The following GABRG3 variants were observed in gnomAD, a reference collection of about 807,000 sequenced individuals.
GABRG3 encodes the protein gamma-aminobutyric acid type A receptor subunit gamma3.
GABRG3 carries 25 observed loss-of-function variants against 48.8 expected under a neutral mutation model. The ratio of observed to expected loss-of-function variants is 0.51; its 90% confidence interval spans 0.37 to 0.72. The LOEUF is 0.72. GABRG3 is among the 30% of genes least tolerant of loss of function. The pLI, the probability that GABRG3 is intolerant of heterozygous loss-of-function variation, is 0.00. For missense variants in GABRG3, 394 were observed against 577.9 expected (o/e 0.68, Z 3.26); for synonymous variants, 227 against 217.6 (o/e 1.04, Z -0.38).
chr15:27,527,907 A>T, intron 8 of GABRG3, 26 bp from the exon 9 acceptor site: 1 of 1,515,684 alleles, frequency 6.6e-7, no homozygotes, highest in Non-Finnish European at 9.0e-7. Context: ...ACAGTTTCCT[A>T]GTTATTTTTT....
chr15:27,142,443 C>T (rs1480892827), intron 3 of GABRG3, among the ~76,000 whole-genome samples: 1 of 152,114 alleles, frequency 6.6e-6, no homozygotes, highest in Non-Finnish European at 1.5e-5. Flanking sequence ...AAGTGGAAAC[C>T]CCTGATCAAA....
intron 3 of GABRG3, among the ~76,000 whole-genome samples, chr15:27,094,589 A>C (rs1220096421): frequency 6.6e-6 from 1 of 152,174 alleles, no homozygotes; most frequent in Non-Finnish European, 1.5e-5. Flanking sequence ...AATAGAGGGA[A>C]GCAGTTCTGC....
At chr15:27,032,088 T>G (rs4468579) in intron 3 of GABRG3, among the ~76,000 whole-genome samples, 24,122 of 152,150 alleles carry the variant, frequency 0.16, 2,323 homozygotes, top group East Asian at 0.36. Flanking sequence ...GCTTGTGCTG[T>G]TTTTTATTTC....
rs140349736 is a variant in GABRG3 at position 27,179,508 on chromosome 15, C to T, written c.271-147301C>T. Among the ~76,000 whole-genome samples, 573 of 152,266 alleles carry T rather than the reference C, an allele frequency of 3.8e-3. 5 individuals carry two copies. The highest frequency in any genetic ancestry group is 0.031 in the Middle Eastern group (9 of 294). On this transcript the variant is annotated intron_variant, in intron 3 of 9. Coordinates refer to ENST00000615808, the MANE Select transcript of GABRG3 (RefSeq NM_033223.5). The surrounding 1 kb of genome is among the most constrained non-coding windows in gnomAD (Gnocchi z 4.0). ...CGCTGGCTTTATGCTTGGTCTGGCTCTGAGAAATTTATCATTTTCCCCATT... is the reference window on the plus strand; with the variant it reads ...CGCTGGCTTTATGCTTGGTCTGGCTTTGAGAAATTTATCATTTTCCCCATT...
At chr15:27,345,150 G>T (rs1458170983) in intron 5 of GABRG3, among the ~76,000 whole-genome samples, 1 of 152,070 alleles carries the variant, frequency 6.6e-6, no homozygotes. Flanking sequence ...TTAATCTACT[G>T]TGACAATCTC....
chr15:27,535,802 A>G lies in GABRG3; in HGVS notation c.*2921A>G, dbSNP rs1891534477. On this transcript the variant is annotated 3_prime_UTR_variant, in exon 10 of 10. Coordinates refer to ENST00000615808, the MANE Select transcript of GABRG3 (RefSeq NM_033223.5). ...GAGCTCAGGGGATTTTTAATCATGTACATGTTTACTTTCTAGAGGAAGGAG... is the reference window on the plus strand; with the variant it reads ...GAGCTCAGGGGATTTTTAATCATGTGCATGTTTACTTTCTAGAGGAAGGAG... 6.6e-6 allele frequency: 1 copy of G among 152,224 alleles called. No individual in the cohort carries two copies. The highest frequency in any genetic ancestry group is 6.5e-5 in the Admixed American group (1 of 15,274). The allele number at this position is 152,224 out of a possible 1,614,324, so 9.4% of individuals were successfully genotyped here.
In GABRG3 at chr15:27,532,925, G is replaced by A. The variant is rs1188665345; in HGVS notation, c.*44G>A. ...AGTGAAGAGCATTTGGTACACACTT[G>A]ACCTTCTGTCGTCCCCAGACCAGTA... is the stretch of plus-strand genomic sequence containing the variant. On this transcript the variant is annotated 3_prime_UTR_variant, in exon 10 of 10. Transcript: ENST00000615808. The A allele has an allele frequency of 6.3e-7, 1 of 1,583,152 alleles. No homozygotes were observed. The highest frequency in any genetic ancestry group is 2.1e-4 in the Middle Eastern group (1 of 4,792).
rs1444868697 is a variant in GABRG3 at position 27,179,465 on chromosome 15, A to AT, written c.271-147339dup. ...CTTGTTTGCATAAAATCTTCCCCTG[A>AT]TTTTTGTGATACAATTTCGCTGGCT... On this transcript the variant is annotated intron_variant, in intron 3 of 9. Transcript: ENST00000615808. This position sits in a 1 kb window ranked among gnomAD's most constrained non-coding sequence, Gnocchi z 4.0. Among the ~76,000 whole-genome samples, 4 of 152,098 alleles carry AT rather than the reference A, an allele frequency of 2.6e-5. No individual in the cohort carries two copies. The highest frequency in any genetic ancestry group is 4.4e-5 in the Non-Finnish European group (3 of 68,020).
chr15:27,029,050 C>T (rs1481985903), intron 3 of GABRG3, among the ~76,000 whole-genome samples: 1 of 152,162 alleles, frequency 6.6e-6, no homozygotes, highest in Non-Finnish European at 1.5e-5. Context: ...AGCAGGTTTC[C>T]AAGGCTGAGC....
intron 3 of GABRG3, among the ~76,000 whole-genome samples, chr15:27,320,667 C>T (rs1196553576): frequency 6.6e-6 from 1 of 151,910 alleles, no homozygotes; most frequent in African/African-American, 2.4e-5. Flanking sequence ...CATGGAAGGT[C>T]GTGATCAAAG....
chr15:27,138,094 A>G (rs143077826), intron 3 of GABRG3, among the ~76,000 whole-genome samples: 256 of 152,296 alleles, frequency 1.7e-3, no homozygotes, highest in African/African-American at 5.6e-3. Context: ...AGAATATTAT[A>G]ATTTTCTTAA....
At chr15:27,235,527 G>A (rs1216611549) in intron 3 of GABRG3, among the ~76,000 whole-genome samples, 2 of 152,194 alleles carry the variant, frequency 1.3e-5, no homozygotes, top group Non-Finnish European at 2.9e-5. Context: ...TGAGGTGTGG[G>A]TGGGAATTTT....
chr15:27,474,857 T>C (rs1595779379), intron 5 of GABRG3, among the ~76,000 whole-genome samples: 1 of 151,874 alleles, frequency 6.6e-6, no homozygotes, highest in African/African-American at 2.4e-5. Context: ...GCTGGCTGGG[T>C]GCAGTGGTTC....
intron 3 of GABRG3, among the ~76,000 whole-genome samples, chr15:27,305,214 A>G (rs1014521349): frequency 6.6e-6 from 1 of 151,792 alleles, no homozygotes; most frequent in Admixed American, 6.6e-5. Context: ...AATCAAGTAT[A>G]TTTCTATACA....
At chr15:26,994,655 G>T (rs961167752) in intron 2 of GABRG3, among the ~76,000 whole-genome samples, 37 of 152,030 alleles carry the variant, frequency 2.4e-4, no homozygotes, top group Admixed American at 3.9e-4. Context: ...ACTATTCTGT[G>T]TTTTTCTGGG....
At chr15:27,421,222 A>G (rs1888103488) in intron 5 of GABRG3, among the ~76,000 whole-genome samples, 1 of 152,230 alleles carries the variant, frequency 6.6e-6, no homozygotes, top group Non-Finnish European at 1.5e-5. Flanking sequence ...AGGCCCACAC[A>G]TTGAATTAGC....
intron 3 of GABRG3, among the ~76,000 whole-genome samples, chr15:27,048,587 G>A (rs1011456): frequency 0.37 from 56,462 of 152,014 alleles, 10,786 homozygotes; most frequent in Middle Eastern, 0.49. Flanking sequence ...GGCAGGTTTC[G>A]GTCCCCTGAA....
At chr15:27,184,920 T>A (rs1888045930) in intron 3 of GABRG3, among the ~76,000 whole-genome samples, 1 of 152,170 alleles carries the variant, frequency 6.6e-6, no homozygotes, top group South Asian at 2.1e-4. Flanking sequence ...ATTTGCGTCT[T>A]ATTTTTTTTT....
intron 3 of GABRG3, among the ~76,000 whole-genome samples, chr15:27,043,952 G>A (rs1161589954): frequency 6.6e-6 from 1 of 152,194 alleles, no homozygotes; most frequent in Non-Finnish European, 1.5e-5. Flanking sequence ...AGGCTGTCGG[G>A]CTGAGAGTCT....
Sources: gnomAD v4.1 joint callset for allele counts (sites outside exome capture counted in the v4.1 genomes callset) on GRCh38, gnomAD v4.1.1 for gene constraint, Gnocchi (gnomAD v3.1) non-coding constraint, MANE v1.5 for transcripts, NCBI Gene and HGNC (gene_info 2026-07-23, HGNC 2026-07-21) for gene names.